Variants in DPYSL5 observed in about 807,000 individuals in gnomAD.
DPYSL5 encodes the protein dihydropyrimidinase like 5, also known as dihydropyrimidinase-related protein 5.
Under a neutral mutation model 58.4 loss-of-function variants are expected in DPYSL5, and 9 were observed. The observed-to-expected ratio is 0.15, with a 90% confidence interval of 0.09 to 0.27. DPYSL5 has a LOEUF of 0.27. Among genes scored for constraint, DPYSL5 ranks in the 10% least tolerant of loss-of-function variants. The pLI, the probability that DPYSL5 is intolerant of heterozygous loss-of-function variation, is 1.00. For missense variants in DPYSL5, 499 were observed against 770.6 expected, an observed-to-expected ratio of 0.65 and a Z score of 4.17; for synonymous variants, 293 against 301.9, an observed-to-expected ratio of 0.97 and a Z score of 0.31.
intron 1 of DPYSL5, among the ~76,000 whole-genome samples, chr2:26,881,924 T>C (rs1248326378): frequency 3.3e-5 from 5 of 151,712 alleles, no homozygotes; most frequent in African/African-American, 1.2e-4. Flanking sequence ...ACCCCATCTC[T>C]ACTAAAAATA....
Position 26,940,056 on chromosome 2 carries a change from G to A in DPYSL5, c.973G>A (p.Asp325Asn). The change falls in exon 9 of 13, where the codon GAT (aspartate) becomes AAT (asparagine). Residue 325 changes from aspartate (D) to asparagine (N), a missense_variant. Around this residue, in one of 3 missense-constraint regions of DPYSL5, gnomAD observed 404 missense variants for 647.6 expected, o/e 0.62. Coordinates refer to ENST00000288699, the MANE Select transcript of DPYSL5 (RefSeq NM_020134.4). ...ANDTLNIVAS[D>N]HRPFTTKQKA... ...TGACACTCTGAACATCGTGGCATCA[G>A]ATCACCGGCCTTTCACCACAAAGCA... The A allele has an allele frequency of 6.2e-7, 1 of 1,614,142 alleles. No homozygotes were observed.
At chr2:26,851,680 C>A (rs1024291914) in intron 1 of DPYSL5, among the ~76,000 whole-genome samples, 1 of 152,162 alleles carries the variant, frequency 6.6e-6, no homozygotes, top group Non-Finnish European at 1.5e-5. Context: ...CAGTGGATCA[C>A]GCCTGTAATC....
intron 2 of DPYSL5, among the ~76,000 whole-genome samples, chr2:26,921,834 G>T (rs1664713556): frequency 6.6e-6 from 1 of 152,084 alleles, no homozygotes; most frequent in Non-Finnish European, 1.5e-5. Context: ...ATTGCCACCT[G>T]ACCCTCTGGG....
chr2:26,940,103 C>G lies in DPYSL5; in HGVS notation c.1020C>G (p.Asp340Glu). Residue 340 changes from aspartate (D) to glutamate (E), a missense_variant, in exon 9 of 13, where the codon GAC becomes GAG. By Grantham distance (45) the Asp-to-Glu change is conservative. Around this residue, in one of 3 missense-constraint regions of DPYSL5, gnomAD observed 404 missense variants for 647.6 expected, o/e 0.62. Coordinates refer to ENST00000288699, the MANE Select transcript of DPYSL5 (RefSeq NM_020134.4). The part of the protein sequence containing the change: ...TTKQKAMGKE[D>E]FTKIPHGVSG... ...AGCAGAAAGCTATGGGCAAGGAAGA[C>G]TTCACCAAGATCCCACATGGAGTGA... The G allele has an allele frequency of 6.2e-7, 1 of 1,614,222 alleles. No homozygotes were observed. The highest frequency in any genetic ancestry group is 8.5e-7 in the Non-Finnish European group (1 of 1,180,048).
intron 2 of DPYSL5, among the ~76,000 whole-genome samples, chr2:26,915,487 T>C (rs1664538749): frequency 6.6e-6 from 1 of 152,208 alleles, no homozygotes; most frequent in African/African-American, 2.4e-5. Context: ...ATTCTGTGGC[T>C]GTGCTGGACT....
chr2:26,882,192 A>G (rs1663586163), intron 1 of DPYSL5, among the ~76,000 whole-genome samples: 1 of 151,774 alleles, frequency 6.6e-6, no homozygotes, highest in African/African-American at 2.4e-5. Flanking sequence ...CCTTATTTCA[A>G]TTTTTTTTCA....
intron 1 of DPYSL5, among the ~76,000 whole-genome samples, chr2:26,867,696 C>T (rs979623715): frequency 6.6e-6 from 1 of 151,874 alleles, no homozygotes; most frequent in Non-Finnish European, 1.5e-5. Context: ...ACCTCGTGAT[C>T]CGCCCGCCTC....
intron 2 of DPYSL5, among the ~76,000 whole-genome samples, chr2:26,923,904 C>T (rs1030830347): frequency 2.0e-5 from 3 of 152,176 alleles, no homozygotes; most frequent in African/African-American, 7.2e-5. Context: ...AAGTGATCCA[C>T]CCACCTCAGC....
chr2:26,866,375 C>G (rs1046724106), intron 1 of DPYSL5, among the ~76,000 whole-genome samples: 1 of 151,868 alleles, frequency 6.6e-6, no homozygotes, highest in South Asian at 2.1e-4. Context: ...TAAATGATAT[C>G]GTAAGGAAGA....
intron 2 of DPYSL5, among the ~76,000 whole-genome samples, chr2:26,908,715 G>A (rs575980599): frequency 6.6e-6 from 1 of 152,258 alleles, no homozygotes; most frequent in African/African-American, 2.4e-5. Flanking sequence ...CTGTGATTGA[G>A]GCCAAGTGTC....
At chr2:26,871,939 C>CA (rs2148117637) in intron 1 of DPYSL5, among the ~76,000 whole-genome samples, 1 of 152,194 alleles carries the variant, frequency 6.6e-6, no homozygotes, top group East Asian at 1.9e-4. Context: ...ATTCCAATTA[C>CA]AAACTAGACC....
intron 1 of DPYSL5, among the ~76,000 whole-genome samples, chr2:26,861,401 CA>C (rs1384128693): frequency 6.6e-6 from 1 of 152,208 alleles, no homozygotes; most frequent in East Asian, 1.9e-4. Context: ...TGTGTCTGCT[CA>C]TCCCTTCATC....
chr2:26,900,218 C>G (rs1330303783), intron 2 of DPYSL5, among the ~76,000 whole-genome samples: 1 of 152,182 alleles, frequency 6.6e-6, no homozygotes. Context: ...CAGGGATAAC[C>G]ACTATCCTGA....
intron 2 of DPYSL5, among the ~76,000 whole-genome samples, chr2:26,922,828 GCTCTCCTT>G (rs1452388924): frequency 3.3e-5 from 5 of 152,212 alleles, no homozygotes; most frequent in Non-Finnish European, 5.9e-5. Flanking sequence ...AATCTGCACT[GCTCTCCTT>G]CTCCCGGTTC....
In DPYSL5 at chr2:26,856,041, C is replaced by T. The variant is rs529285196; in HGVS notation, c.-5+7787C>T. On this transcript the variant is annotated intron_variant, in intron 1 of 12. Transcript: ENST00000288699. ...CAAGTGGCAATACACATACATGAAA[C>T]AGTCACTTTTGGGGGGTACAGTGGC... Among the ~76,000 whole-genome samples the T allele has an allele frequency of 1.7e-4, 26 of 152,190 alleles. No homozygotes were observed. The South Asian group carries it at 3.5e-3, about 21-fold the overall frequency.
At chr2:26,936,990 T>C (rs1665197415) in intron 8 of DPYSL5, among the ~76,000 whole-genome samples, 2 of 138,484 alleles carry the variant, frequency 1.4e-5, no homozygotes, top group Non-Finnish European at 3.1e-5. Flanking sequence ...CAACCTCCTT[T>C]TCATCATCAG....
intron 2 of DPYSL5, among the ~76,000 whole-genome samples, chr2:26,912,854 T>G (rs946336760): frequency 1.3e-5 from 2 of 152,230 alleles, no homozygotes; most frequent in Non-Finnish European, 2.9e-5. Context: ...CCCCTCTGTT[T>G]CTAAGCTGCA....
At chr2:26,928,144 G>A (rs1664873502) in intron 4 of DPYSL5, 111 bp from the exon 5 acceptor site, 4 of 1,133,492 alleles carry the variant, frequency 3.5e-6, no homozygotes, top group South Asian at 1.3e-5. Context: ...AAAGAAGCAA[G>A]CCTATTGAAA....
chr2:26,928,751 ACG>A (rs1491232724), intron 5 of DPYSL5, among the ~76,000 whole-genome samples: 2 of 87,384 alleles, frequency 2.3e-5, no homozygotes, highest in African/African-American at 4.3e-5. Context: ...GCACACACAT[ACG>A]TGTGTGCGTG....
Sources: gnomAD v4.1 joint callset for allele counts (sites outside exome capture counted in the v4.1 genomes callset) on GRCh38, gnomAD v4.1.1 for gene constraint, gnomAD v4.1.1 regional missense constraint, MANE v1.5 for transcripts, NCBI Gene and HGNC (gene_info 2026-07-23, HGNC 2026-07-21) for gene names.